The following PCDHGA3 variants were observed in gnomAD, a reference collection of about 807,000 sequenced individuals.
PCDHGA3 encodes protocadherin gamma subfamily A, 3.
A neutral mutation model predicts 58.5 loss-of-function variants in PCDHGA3; 40 were observed. The observed-to-expected ratio is 0.68, with a 90% CI of 0.53 to 0.89. The LOEUF is 0.89. PCDHGA3 is among the 40% of genes least tolerant of loss of function. The pLI, the probability that PCDHGA3 is intolerant of heterozygous loss-of-function variation, is 0.00. For missense variants in PCDHGA3, 1,223 were observed against 1,195.9 expected (o/e 1.02, Z -0.33); for synonymous variants, 530 against 525.7 (o/e 1.01, Z -0.11).
chr5:141,370,879 T>G lies in PCDHGA3; in HGVS notation c.2424+24422T>G, dbSNP rs760679770. 18 of 1,613,950 alleles carry G rather than the reference T, an allele frequency of 1.1e-5. No individual in the cohort carries two copies. The highest frequency in any genetic ancestry group is 1.4e-5 in the Non-Finnish European group (17 of 1,179,914). On this transcript the variant is annotated intron_variant, in intron 1 of 3. Coordinates refer to ENST00000253812, the MANE Select transcript of PCDHGA3 (RefSeq NM_018916.4). ...CTGGAATCTGCGCAAGATCCTGATGTAGGTGTCAATTCGCTGCAGCAGTAC... is the reference window on the plus strand; with the variant it reads ...CTGGAATCTGCGCAAGATCCTGATGGAGGTGTCAATTCGCTGCAGCAGTAC...
chr5:141,417,658 G>C, intron 1 of PCDHGA3: 2 of 869,072 alleles, frequency 2.3e-6, no homozygotes, highest in Non-Finnish European at 1.7e-6. Context: ...TCTAGCCTGG[G>C]ATTCCCTGCG....
chr5:141,413,391 C>T lies in PCDHGA3; in HGVS notation c.2424+66934C>T, dbSNP rs375582894. ...CGGAGCGCGGAGTCCGCATAGTCTC[C>T]AGAGGTAGGACGCAGCTTTTCTCTC... On this transcript the variant is annotated intron_variant, in intron 1 of 3. Transcript: ENST00000253812. The T allele has an allele frequency of 1.2e-5, 19 of 1,613,902 alleles. No homozygotes were observed. In the African/African-American group the frequency reaches 2.4e-4, roughly 20 times the overall value.
chr5:141,408,717 T>C lies in PCDHGA3; in HGVS notation c.2424+62260T>C, dbSNP rs774691298. ...ATAAACTCAATTAAAGATTATAAGA[T>C]AAACTCTAATCCTTATTTTTCATTA... is the stretch of plus-strand genomic sequence containing the variant. On this transcript the variant is annotated intron_variant, in intron 1 of 3. Transcript: ENST00000253812. The C allele has an allele frequency of 1.9e-6, 3 of 1,611,662 alleles. No individual in the cohort carries two copies. In the South Asian group the frequency reaches 3.3e-5, roughly 18 times the overall value.
In PCDHGA3 at chr5:141,409,398, A is replaced by G. The variant is rs186373896; in HGVS notation, c.2424+62941A>G. On this transcript the variant is annotated intron_variant, in intron 1 of 3. Transcript: ENST00000253812. Reference sequence around the variant, plus strand: ...CCATTCAAGATTTATTCTTCTTCCAATAACTACTACAAACTGGTGACAGAT... The same window carrying G: ...CCATTCAAGATTTATTCTTCTTCCAGTAACTACTACAAACTGGTGACAGAT... 9.6e-5 allele frequency: 155 copies of G among 1,614,050 alleles called. No individual in the cohort carries two copies. In the African/African-American group the frequency reaches 1.5e-3, roughly 16 times the overall value.
chr5:141,405,089 G>T, intron 1 of PCDHGA3: 2 of 1,613,878 alleles, frequency 1.2e-6, no homozygotes, highest in South Asian at 2.2e-5. Context: ...CACGCTGCTG[G>T]CCCTCAGGCT....
chr5:141,439,618 C>T (rs964445098), intron 1 of PCDHGA3, among the ~76,000 whole-genome samples: 2 of 152,178 alleles, frequency 1.3e-5, no homozygotes, highest in East Asian at 3.8e-4. Context: ...GATAAATGAG[C>T]CAATCCCCAG....
chr5:141,433,358 CCTATCTAT>C lies in PCDHGA3; in HGVS notation c.2425-61408_2425-61401del, dbSNP rs3074541. On this transcript the variant is annotated intron_variant, in intron 1 of 3. Transcript: ENST00000253812. ...ACAGGTGCAAGCCACCTACTGTCTG[CCTATCTAT>C]CTATCTATCTATCTATCTATCTATC... is the stretch of plus-strand genomic sequence containing the variant. The C allele has an allele frequency of 7.0e-3, 3,504 of 501,060 alleles. 20 individuals carry two copies. The highest frequency in any genetic ancestry group is 7.9e-3 in the Non-Finnish European group (2,251 of 285,142). The allele number at this position is 501,060 out of a possible 1,614,324, so 31.0% of individuals were successfully genotyped here.
chr5:141,367,060 T>C lies in PCDHGA3; in HGVS notation c.2424+20603T>C, dbSNP rs1764930481. 3 of 310,714 alleles carry C rather than the reference T, an allele frequency of 9.7e-6. No individual in the cohort carries two copies. In the Admixed American group the frequency reaches 1.4e-4, roughly 15 times the overall value. 19.2% of individuals were successfully genotyped at this position (310,714 alleles called of 1,614,324 possible). On this transcript the variant is annotated intron_variant, in intron 1 of 3. Coordinates refer to ENST00000253812, the MANE Select transcript of PCDHGA3 (RefSeq NM_018916.4). ...TTCTATTAATAGAAAAGATGTTTTA[T>C]TTATTCAAATTGTTAGATATATTGT...
Position 141,490,618 on chromosome 5 carries a change from A to C in PCDHGA3, c.2425-4189A>C. The C allele has an allele frequency of 6.2e-7, 1 of 1,614,104 alleles. No homozygotes were observed. Among genetic ancestry groups the C allele is most frequent in the South Asian group, 1.1e-5 (1 of 91,080 alleles). ...ACCCCGCTTCAACCAGCAGCTTTAC[A>C]CTGCTTACATCCTAGAAAACCGGCC... On this transcript the variant is annotated intron_variant, in intron 1 of 3. Coordinates refer to ENST00000253812, the MANE Select transcript of PCDHGA3 (RefSeq NM_018916.4). This position sits in a 1 kb window ranked among gnomAD's most constrained non-coding sequence, Gnocchi z 5.4.
At position 141,487,339 on chromosome 5, in the gene PCDHGA3, A is replaced by T; in HGVS notation, c.2425-7468A>T. On this transcript the variant is annotated intron_variant, in intron 1 of 3. Coordinates refer to ENST00000253812, the MANE Select transcript of PCDHGA3 (RefSeq NM_018916.4). The surrounding 1 kb of genome is among the most constrained non-coding windows in gnomAD (Gnocchi z 5.0). ...AGTGTCTTCGTGGGGCAGCCTGTGG[A>T]GTCACATGCTTTCCTGCTGGCACCT... The T allele has an allele frequency of 1.9e-6, 3 of 1,614,096 alleles. No individual in the cohort carries two copies. Among genetic ancestry groups the T allele is most frequent in the Non-Finnish European group, 2.5e-6 (3 of 1,180,000 alleles).
intron 1 of PCDHGA3, among the ~76,000 whole-genome samples, chr5:141,425,293 T>A (rs1332220576): frequency 1.3e-5 from 2 of 152,172 alleles, no homozygotes; most frequent in African/African-American, 4.8e-5. Context: ...TTATAAAACC[T>A]CATCTAAACT....
chr5:141,373,773 T>C (rs1429903746), intron 1 of PCDHGA3: 1 of 264,200 alleles, frequency 3.8e-6, no homozygotes, highest in Non-Finnish European at 7.1e-6. Context: ...GTGTCATCTC[T>C]GCAGATTTAG....
At chr5:141,398,177 T>C (rs2093620975) in intron 1 of PCDHGA3, 11 of 1,473,994 alleles carry the variant, frequency 7.5e-6, no homozygotes, top group African/African-American at 2.9e-5. Context: ...CTGCCAGTGC[T>C]CTTTCTCTTC....
chr5:141,352,555 C>G, intron 1 of PCDHGA3: 1 of 1,614,008 alleles, frequency 6.2e-7, no homozygotes, highest in Non-Finnish European at 8.5e-7. Context: ...ATTCTCTCAA[C>G]CTGACACCGG....
At chr5:141,356,454 T>G in intron 1 of PCDHGA3, 1 of 1,613,414 alleles carries the variant, frequency 6.2e-7, no homozygotes, top group Non-Finnish European at 8.5e-7. Context: ...TCTCAGAATA[T>G]AACATCACTG....
At position 141,477,910 on chromosome 5, in the gene PCDHGA3, G is replaced by C. The variant is rs766164142; in HGVS notation, c.2425-16897G>C. ...TGTCACGGGTGGTAGGCTGGGACGC[G>C]GATGCAGGGCACAATGCCTGGCTCT... On this transcript the variant is annotated intron_variant, in intron 1 of 3. Coordinates refer to ENST00000253812, the MANE Select transcript of PCDHGA3 (RefSeq NM_018916.4). This position sits in a 1 kb window ranked among gnomAD's most constrained non-coding sequence, Gnocchi z 4.9. 3 of 1,614,168 alleles carry C rather than the reference G, an allele frequency of 1.9e-6. No homozygotes were observed. Among genetic ancestry groups the C allele is most frequent in the Non-Finnish European group, 2.5e-6 (3 of 1,180,032 alleles).
At chr5:141,395,359 G>T in intron 1 of PCDHGA3, 2 of 1,289,368 alleles carry the variant, frequency 1.6e-6, no homozygotes, top group East Asian at 5.1e-5. Flanking sequence ...CAGAGTTTTG[G>T]GTTTATTTTG....
rs2091100634 is a variant in PCDHGA3 at position 141,387,811 on chromosome 5, A to C, written c.2424+41354A>C. 4 of 1,528,618 alleles carry C rather than the reference A, an allele frequency of 2.6e-6. No individual in the cohort carries two copies. The South Asian group carries it at 5.1e-5, about 19-fold the overall frequency. 94.7% of individuals were successfully genotyped at this position (1,528,618 alleles called of 1,614,324 possible). ...CAACTAAAGTCCGTTCGGAGATCCA[A>C]AAATCTGCAATACAGAGGTTATTTG... On this transcript the variant is annotated intron_variant, in intron 1 of 3. Transcript: ENST00000253812.
At chr5:141,451,019 G>A (rs1348607593) in intron 1 of PCDHGA3, among the ~76,000 whole-genome samples, 7 of 151,274 alleles carry the variant, frequency 4.6e-5, no homozygotes, top group Admixed American at 2.0e-4. Context: ...TAGTAGAGAC[G>A]AGGTTTCACC....
Sources: gnomAD v4.1 joint callset for allele counts (sites outside exome capture counted in the v4.1 genomes callset) on GRCh38, gnomAD v4.1.1 for gene constraint, Gnocchi (gnomAD v3.1) non-coding constraint, MANE v1.5 for transcripts, NCBI Gene and HGNC (gene_info 2026-07-23, HGNC 2026-07-21) for gene names.